SLC25A27: variants seen among roughly 807,000 people sequenced by gnomAD.
SLC25A27 encodes solute carrier family 25 member 27.
A neutral mutation model predicts 49.1 loss-of-function variants in SLC25A27; 35 were observed. The observed-to-expected ratio is 0.71, with a 90% confidence interval of 0.54 to 0.95. The LOEUF is 0.95. Among genes scored for constraint, SLC25A27 ranks in the 40% least tolerant of loss-of-function variants. SLC25A27 has a pLI of 0.00. For missense variants in SLC25A27, 339 were observed against 397.1 expected (o/e 0.85, Z 1.24); for synonymous variants, 144 against 136.9 (o/e 1.05, Z -0.36).
intron 2 of SLC25A27, among the ~76,000 whole-genome samples, chr6:46,657,656 AT>A (rs1350279511): frequency 1.3e-5 from 2 of 152,110 alleles, no homozygotes; most frequent in Non-Finnish European, 2.9e-5. Context: ...GCTGATTATC[AT>A]TTTTCTTCAC....
chr6:46,658,550 G>A (rs1199771586), intron 2 of SLC25A27: 3 of 437,726 alleles, frequency 6.9e-6, no homozygotes, highest in Non-Finnish European at 1.4e-5. Context: ...GGCATCTGGG[G>A]TAAGTAAAAA....
At chr6:46,675,007 G>T (rs373281268) in intron 8 of SLC25A27, among the ~76,000 whole-genome samples, 9 of 152,136 alleles carry the variant, frequency 5.9e-5, no homozygotes, top group Admixed American at 6.5e-5. Context: ...CTGTATCAGC[G>T]AGAAAATCAG....
At chr6:46,666,675 A>C (rs572165818) in intron 5 of SLC25A27, among the ~76,000 whole-genome samples, 9 of 152,144 alleles carry the variant, frequency 5.9e-5, no homozygotes, top group African/African-American at 2.2e-4. Context: ...CTTCTTTTGG[A>C]TATCTCAAGC....
Position 46,668,793 on chromosome 6 carries a change from G to A in SLC25A27, c.704G>A (p.Ser235Asn). ...EDNIMTHGLS[S>N]LCSGLVASIL... ...AATATCATGACTCACGGTTTATCAAGGTAAGGATTGTTTTAGTTGGACTCT... is the reference window on the plus strand; with the variant it reads ...AATATCATGACTCACGGTTTATCAAAGTAAGGATTGTTTTAGTTGGACTCT... The change falls in exon 6 of 9, where the codon AGT (serine) becomes AAT (asparagine). Residue 235 changes from serine (S) to asparagine (N), a missense_variant and splice_region_variant. Coordinates refer to ENST00000371347, the MANE Select transcript of SLC25A27 (RefSeq NM_004277.5). 6.4e-7 allele frequency: 1 copy of A among 1,570,548 alleles called. No homozygotes were observed. Among genetic ancestry groups the A allele is most frequent in the South Asian group, 1.1e-5 (1 of 88,248 alleles).
chr6:46,670,308 T>G, intron 7 of SLC25A27, 81 bp downstream of exon 7: 1 of 889,706 alleles, frequency 1.1e-6, no homozygotes, highest in South Asian at 1.7e-5. Flanking sequence ...CTGCATTTTT[T>G]ATTGATAGAA....
intron 3 of SLC25A27, among the ~76,000 whole-genome samples, chr6:46,659,462 G>A (rs1194535297): frequency 2.0e-5 from 3 of 152,078 alleles, no homozygotes; most frequent in South Asian, 2.1e-4. Context: ...TATAGGACAC[G>A]GTGAGATGAT....
chr6:46,666,109 C>A (rs1300154009), intron 5 of SLC25A27, among the ~76,000 whole-genome samples: 2 of 152,232 alleles, frequency 1.3e-5, no homozygotes, highest in East Asian at 3.8e-4. Context: ...TTTCCCTCCT[C>A]TCCTACATAG....
chr6:46,664,160 A>T (rs750097217), intron 4 of SLC25A27, among the ~76,000 whole-genome samples: 46 of 152,202 alleles, frequency 3.0e-4, no homozygotes, highest in Non-Finnish European at 3.7e-4. Flanking sequence ...CATAAAGCTC[A>T]GACTTTCTTT....
intron 8 of SLC25A27, among the ~76,000 whole-genome samples, chr6:46,673,097 A>C (rs1763616563): frequency 6.6e-6 from 1 of 152,248 alleles, no homozygotes; most frequent in African/African-American, 2.4e-5. Flanking sequence ...AACACTGAGG[A>C]ATAACATAGT....
At chr6:46,653,477 T>C in intron 1 of SLC25A27, 179 bp downstream of exon 1, 3 of 985,464 alleles carry the variant, frequency 3.0e-6, no homozygotes, top group Non-Finnish European at 3.6e-6. Context: ...GATTGAGGTC[T>C]CCACGGCCTT....
At chr6:46,670,823 C>T (rs773670735) in intron 7 of SLC25A27, among the ~76,000 whole-genome samples, 5 of 152,000 alleles carry the variant, frequency 3.3e-5, no homozygotes, top group Non-Finnish European at 5.9e-5. Flanking sequence ...CTGCAAGCTC[C>T]GCCTCCCAGG....
intron 2 of SLC25A27, among the ~76,000 whole-genome samples, chr6:46,656,641 A>G: frequency 6.6e-6 from 1 of 151,986 alleles, no homozygotes; most frequent in East Asian, 1.9e-4. Flanking sequence ...TTGGTCCCAA[A>G]CTCCTGACCT....
At chr6:46,654,256 G>T in intron 1 of SLC25A27, 2 of 318,896 alleles carry the variant, frequency 6.3e-6, no homozygotes, top group Non-Finnish European at 4.5e-6. Context: ...GTTATCATTT[G>T]TAAATGTTAG....
chr6:46,672,248 G>T (rs1763580544), intron 8 of SLC25A27, among the ~76,000 whole-genome samples: 2 of 152,254 alleles, frequency 1.3e-5, no homozygotes, highest in Non-Finnish European at 2.9e-5. Flanking sequence ...GGAGTGGACA[G>T]AGAGCAGGGT....
At chr6:46,661,052 A>G (rs998847984) in intron 3 of SLC25A27, among the ~76,000 whole-genome samples, 1 of 152,208 alleles carries the variant, frequency 6.6e-6, no homozygotes, top group East Asian at 1.9e-4. Flanking sequence ...GGCTATAGTA[A>G]TGAAAAAGAA....
At chr6:46,659,221 G>A (rs1159413792) in intron 3 of SLC25A27, among the ~76,000 whole-genome samples, 175 bp downstream of exon 3, 1 of 152,174 alleles carries the variant, frequency 6.6e-6, no homozygotes, top group Non-Finnish European at 1.5e-5. Context: ...AGACATACAT[G>A]TATATACATA....
Position 46,676,575 on chromosome 6 carries a change from ATTTATAGGGGGCAGCAC to A in SLC25A27, c.*127_*143del. On this transcript the variant is annotated 3_prime_UTR_variant, in exon 9 of 9. Coordinates refer to ENST00000371347, the MANE Select transcript of SLC25A27 (RefSeq NM_004277.5). ...GAAGACACCTATTCCACAGAGACTG[ATTTATAGGGGGCAGCAC>A]TTTATTTTTTTCTGGAAACCCAAGT... The A allele has an allele frequency of 6.3e-7, 1 of 1,581,944 alleles. No individual in the cohort carries two copies. The highest frequency in any genetic ancestry group is 8.6e-7 in the Non-Finnish European group (1 of 1,162,396).
At position 46,671,109 on chromosome 6, in the gene SLC25A27, T is replaced by C; in HGVS notation, c.798-17T>C. 6.7e-7 allele frequency: 1 copy of C among 1,486,258 alleles called. No individual in the cohort carries two copies. Among genetic ancestry groups the C allele is most frequent in the Non-Finnish European group, 9.2e-7 (1 of 1,081,856 alleles). The allele number at this position is 1,486,258 out of a possible 1,614,324, so 92.1% of individuals were successfully genotyped here. Reference sequence around the variant, plus strand: ...TTTACACAGAAAAAAATTAAAAGGATCTTGTTTCCTTTTTAGGGGACTTTT... The same window carrying C: ...TTTACACAGAAAAAAATTAAAAGGACCTTGTTTCCTTTTTAGGGGACTTTT... On this transcript the variant is annotated splice_polypyrimidine_tract_variant and intron_variant, in intron 7 of 8. Coordinates refer to ENST00000371347, the MANE Select transcript of SLC25A27 (RefSeq NM_004277.5).
chr6:46,662,543 C>G, intron 4 of SLC25A27, 45 bp downstream of exon 4: 1 of 1,600,324 alleles, frequency 6.2e-7, no homozygotes, highest in Non-Finnish European at 8.5e-7. Context: ...CCCTTGGCCA[C>G]CGTCATATTT....
Sources: allele counts gnomAD v4.1 joint callset (sites outside exome capture counted in the v4.1 genomes callset), GRCh38; gene constraint gnomAD v4.1.1; transcripts MANE v1.5; gene names NCBI Gene and HGNC (gene_info 2026-07-23, HGNC 2026-07-21).